Variants in PSD3 observed in about 807,000 individuals in gnomAD.
The protein encoded by PSD3 is PH and SEC7 domain-containing protein 3.
In PSD3, 49 loss-of-function variants were observed where a neutral mutation model predicts 105.5. That is an observed-to-expected ratio of 0.46 (90% CI 0.37 to 0.59). PSD3 has a LOEUF of 0.59. PSD3 is among the 20% of genes least tolerant of loss of function. PSD3 has a pLI of 0.00. For synonymous variants in PSD3, 557 were observed against 457.8 expected (o/e 1.22, Z -2.77); for missense variants, 1,561 against 1,263.8 (o/e 1.24, Z -3.57).
intron 1 of PSD3, among the ~76,000 whole-genome samples, chr8:19,072,908 T>A (rs1171358885): frequency 6.6e-6 from 1 of 152,166 alleles, no homozygotes; most frequent in East Asian, 1.9e-4. Flanking sequence ...CATGAATACT[T>A]TTGTACCGTT....
chr8:18,764,212 T>G (rs980103879), intron 9 of PSD3, among the ~76,000 whole-genome samples: 2 of 152,156 alleles, frequency 1.3e-5, no homozygotes, highest in Admixed American at 6.6e-5. Context: ...ACAAATCCTC[T>G]CTTAGAGAGA....
At chr8:18,893,216 G>A (rs77020546) in intron 2 of PSD3, among the ~76,000 whole-genome samples, 1 of 152,102 alleles carries the variant, frequency 6.6e-6, no homozygotes, top group East Asian at 1.9e-4. Flanking sequence ...GAATCACAGG[G>A]TGCGGGGTCA....
At chr8:19,083,647 G>T (rs933663532) in intron 1 of PSD3, among the ~76,000 whole-genome samples, 2 of 151,280 alleles carry the variant, frequency 1.3e-5, no homozygotes, top group Admixed American at 6.5e-5. Context: ...GCTGTGCTCC[G>T]GTTCTGGAAA....
At chr8:18,836,195 C>A (rs533830268) in intron 4 of PSD3, among the ~76,000 whole-genome samples, 55 of 152,184 alleles carry the variant, frequency 3.6e-4, no homozygotes, top group African/African-American at 1.3e-3. Flanking sequence ...TCAAAGTAAC[C>A]GTAACCCTGA....
At chr8:18,607,687 A>AAG in intron 11 of PSD3, among the ~76,000 whole-genome samples, 1 of 131,692 alleles carries the variant, frequency 7.6e-6, no homozygotes, top group East Asian at 2.0e-4. Flanking sequence ...CTGCTACAAA[A>AAG]AAAAAAAACA....
chr8:18,552,097 G>A (rs1430463102), intron 15 of PSD3, among the ~76,000 whole-genome samples: 1 of 152,196 alleles, frequency 6.6e-6, no homozygotes, highest in African/African-American at 2.4e-5. Flanking sequence ...GACATTAGGT[G>A]GGCTGGCAAC....
intron 15 of PSD3, among the ~76,000 whole-genome samples, chr8:18,550,968 T>G (rs1800733839): frequency 6.6e-6 from 1 of 152,166 alleles, no homozygotes; most frequent in Non-Finnish European, 1.5e-5. Context: ...CTTTAACTAG[T>G]TTAACAGAAT....
At chr8:18,611,202 G>C (rs1483732258) in intron 11 of PSD3, among the ~76,000 whole-genome samples, 1 of 150,010 alleles carries the variant, frequency 6.7e-6, no homozygotes, top group Non-Finnish European at 1.5e-5. Flanking sequence ...ATAGGATTTA[G>C]AGGTTAGAGA....
chr8:19,045,502 A>T (rs1030282625), intron 1 of PSD3, among the ~76,000 whole-genome samples: 1 of 152,216 alleles, frequency 6.6e-6, no homozygotes, highest in Non-Finnish European at 1.5e-5. Flanking sequence ...ATTTCTAAGC[A>T]ACAGCACAGA....
chr8:18,936,816 A>G (rs576100955), intron 1 of PSD3, among the ~76,000 whole-genome samples: 1 of 152,230 alleles, frequency 6.6e-6, no homozygotes, highest in Non-Finnish European at 1.5e-5. Flanking sequence ...CCAACTGATT[A>G]TCATCACCCA....
intron 11 of PSD3, among the ~76,000 whole-genome samples, chr8:18,624,646 C>G (rs766765522): frequency 6.8e-6 from 1 of 147,506 alleles, no homozygotes; most frequent in Non-Finnish European, 1.5e-5. Context: ...TGTAACTAAC[C>G]TGCACATTGT....
intron 15 of PSD3, among the ~76,000 whole-genome samples, chr8:18,541,607 A>ATGCC (rs1340356538): frequency 6.6e-6 from 1 of 152,144 alleles, no homozygotes; most frequent in Non-Finnish European, 1.5e-5. Flanking sequence ...TGTTGTCAAG[A>ATGCC]TGCCACACGT....
intron 14 of PSD3, among the ~76,000 whole-genome samples, chr8:18,565,258 T>C (rs1398327230): frequency 6.6e-6 from 1 of 152,156 alleles, no homozygotes; most frequent in East Asian, 1.9e-4. Flanking sequence ...AGGGAGGTTG[T>C]GAGCAGACTG....
intron 1 of PSD3, among the ~76,000 whole-genome samples, chr8:19,081,625 G>T (rs1269760740): frequency 1.3e-5 from 2 of 152,188 alleles, no homozygotes; most frequent in Admixed American, 6.5e-5. Context: ...AGAACGCTCT[G>T]ATTACTTTTA....
At chr8:18,552,836 G>C (rs2717727) in intron 15 of PSD3, among the ~76,000 whole-genome samples, 151,457 of 152,310 alleles carry the variant, frequency 0.99, 75,317 homozygotes, top group Middle Eastern at 1. Context: ...ACATCCCTTC[G>C]CTTAGAGTTA....
At chr8:18,567,531 T>C (rs1801868570) in intron 14 of PSD3, among the ~76,000 whole-genome samples, 1 of 152,162 alleles carries the variant, frequency 6.6e-6, no homozygotes, top group Non-Finnish European at 1.5e-5. Flanking sequence ...AAAAATTCAA[T>C]GCCATTGTGT....
intron 4 of PSD3, among the ~76,000 whole-genome samples, chr8:18,843,110 G>A (rs991319330): frequency 6.6e-6 from 1 of 152,064 alleles, no homozygotes; most frequent in Non-Finnish European, 1.5e-5. Flanking sequence ...AAGAGTTATT[G>A]CTCTCTTTGG....
chr8:18,547,565 A>G (rs1176128697), intron 15 of PSD3, among the ~76,000 whole-genome samples: 1 of 152,116 alleles, frequency 6.6e-6, no homozygotes, highest in Non-Finnish European at 1.5e-5. Flanking sequence ...TCTGAACACT[A>G]CAGGGAATCT....
intron 1 of PSD3, among the ~76,000 whole-genome samples, chr8:19,073,332 C>G (rs1466411067): frequency 6.6e-6 from 1 of 152,072 alleles, no homozygotes; most frequent in African/African-American, 2.4e-5. Flanking sequence ...GGGCGGATCA[C>G]TTGGGGTTGG....
Sources: allele counts gnomAD v4.1 joint callset (sites outside exome capture counted in the v4.1 genomes callset), GRCh38; gene constraint gnomAD v4.1.1; transcripts MANE v1.5; gene names NCBI Gene and HGNC (gene_info 2026-07-23, HGNC 2026-07-21).